RGS8: variants seen among roughly 807,000 people sequenced by gnomAD.
RGS8 encodes regulator of G protein signaling 8, also known as regulator of G-protein signaling 8.
A neutral mutation model predicts 21.7 loss-of-function variants in RGS8; 8 were observed. That is an observed-to-expected ratio of 0.37 (90% CI 0.22 to 0.66). The LOEUF is 0.66. Among genes scored for constraint, RGS8 ranks in the 30% least tolerant of loss-of-function variants. The pLI is 0.59. For missense variants in RGS8, 157 were observed against 217.9 expected, an observed-to-expected ratio of 0.72 and a Z score of 1.76; for synonymous variants, 80 against 83.6, an observed-to-expected ratio of 0.96 and a Z score of 0.24.
At chr1:182,694,006 A>G in the RGS8 span, among the ~76,000 whole-genome samples, 3 of 152,202 alleles carry the variant, frequency 2.0e-5, no homozygotes, top group Admixed American at 1.3e-4. Flanking sequence ...GATAGTATCC[A>G]GTACCCTACT....
the RGS8 span, among the ~76,000 whole-genome samples, chr1:182,726,946 G>A: frequency 1.3e-5 from 2 of 152,070 alleles, no homozygotes; most frequent in Non-Finnish European, 1.5e-5. Flanking sequence ...GGCTGCAGCA[G>A]GCTTCTTCAC....
chr1:182,705,583 T>C, the RGS8 span, among the ~76,000 whole-genome samples: 1 of 135,586 alleles, frequency 7.4e-6, no homozygotes, highest in African/African-American at 2.9e-5. Flanking sequence ...TGTGGGTGAG[T>C]ATGAAGGAGA....
At chr1:182,690,002 A>T in the RGS8 span, among the ~76,000 whole-genome samples, 4 of 152,128 alleles carry the variant, frequency 2.6e-5, no homozygotes, top group African/African-American at 9.7e-5. Flanking sequence ...TTCCATTTCC[A>T]TAGGCAGAAT....
intron 5 of RGS8, among the ~76,000 whole-genome samples, chr1:182,648,794 C>T (rs982654376): frequency 2.0e-5 from 3 of 151,850 alleles, no homozygotes; most frequent in Admixed American, 6.6e-5. Flanking sequence ...AGAGGCAAGC[C>T]ATGCTTCATA....
the RGS8 span, among the ~76,000 whole-genome samples, chr1:182,700,390 T>C: frequency 6.6e-6 from 1 of 152,198 alleles, no homozygotes; most frequent in Non-Finnish European, 1.5e-5. Context: ...ACTTTGTCCC[T>C]GTATATTTCA....
the RGS8 span, among the ~76,000 whole-genome samples, chr1:182,723,880 A>G: frequency 6.6e-6 from 1 of 152,184 alleles, no homozygotes; most frequent in Admixed American, 6.5e-5. Context: ...TAAATAAGTT[A>G]ACAGAGTTTA....
At chr1:182,739,405 C>T in the RGS8 span, among the ~76,000 whole-genome samples, 1 of 152,144 alleles carries the variant, frequency 6.6e-6, no homozygotes, top group South Asian at 2.1e-4. Context: ...GGGGCCCCGA[C>T]CTTGAGTACT....
At chr1:182,669,778 A>AG (rs1481109510) in intron 2 of RGS8, 26 bp from the exon 4 acceptor site, 22 of 1,549,916 alleles carry the variant, frequency 1.4e-5, no homozygotes, top group Non-Finnish European at 1.9e-5. Context: ...CTGCTGTAAG[A>AG]GGGGCCACCC....
chr1:182,711,960 G>A, the RGS8 span, among the ~76,000 whole-genome samples: 697 of 152,310 alleles, frequency 4.6e-3, 6 homozygotes, highest in African/African-American at 0.015. Flanking sequence ...TCCTGTTTCA[G>A]AGTATGAATG....
chr1:182,684,026 A>T lies in RGS8; in HGVS notation n.221+330T>A, dbSNP rs1293279799. Among the ~76,000 whole-genome samples the T allele has an allele frequency of 1.3e-5, 2 of 152,240 alleles. No individual in the cohort carries two copies. The highest frequency in any genetic ancestry group is 2.9e-5 in the Non-Finnish European group (2 of 68,044). ...CAGAGCCCCCTAAGGGAGCTGAGGG[A>T]AGAAACAGGATCACCTTTGAGGAGA... On this transcript the variant is annotated intron_variant and non_coding_transcript_variant, in intron 1 of 4. Coordinates refer to the RGS8 transcript ENST00000515211. This position sits in a 1 kb window ranked among gnomAD's most constrained non-coding sequence, Gnocchi z 4.2.
At chr1:182,648,659 C>A (rs905389835) in intron 5 of RGS8, among the ~76,000 whole-genome samples, 1 of 151,950 alleles carries the variant, frequency 6.6e-6, no homozygotes, top group Non-Finnish European at 1.5e-5. Flanking sequence ...CGCTTGAACC[C>A]GGGAGGCAGA....
At chr1:182,667,122 A>G in intron 3 of RGS8, 149 bp from the exon 5 acceptor site, 1 of 645,330 alleles carries the variant, frequency 1.5e-6, no homozygotes, top group Non-Finnish European at 2.8e-6. Context: ...GAACAGGAAG[A>G]GACCACCTAG....
At chr1:182,724,805 G>C in the RGS8 span, among the ~76,000 whole-genome samples, 1 of 152,120 alleles carries the variant, frequency 6.6e-6, no homozygotes, top group Non-Finnish European at 1.5e-5. Flanking sequence ...TGATCAACCC[G>C]CCTCGGCCTC....
intron 3 of RGS8, 92 bp from the exon 5 acceptor site, chr1:182,667,065 G>A: frequency 2.0e-6 from 2 of 986,408 alleles, no homozygotes; most frequent in Non-Finnish European, 1.6e-6. Context: ...TGCTACGGGA[G>A]CCAGCACTGC....
chr1:182,741,160 C>A, the RGS8 span, among the ~76,000 whole-genome samples: 1 of 149,028 alleles, frequency 6.7e-6, no homozygotes, highest in Non-Finnish European at 1.5e-5. Context: ...ACCTCCCGGA[C>A]GGGGCGGCTG....
the RGS8 span, among the ~76,000 whole-genome samples, chr1:182,730,183 T>C: frequency 2.6e-5 from 4 of 152,278 alleles, no homozygotes; most frequent in South Asian, 4.1e-4. Context: ...CAACCCTGAC[T>C]CCACCAAGGA....
the RGS8 span, among the ~76,000 whole-genome samples, chr1:182,748,359 G>T: frequency 2.6e-5 from 4 of 152,332 alleles, no homozygotes; most frequent in African/African-American, 9.6e-5. Flanking sequence ...GTGAGATCAT[G>T]CAGTATTTGT....
the RGS8 span, among the ~76,000 whole-genome samples, chr1:182,732,219 G>A: frequency 2.7e-5 from 4 of 150,928 alleles, no homozygotes; most frequent in Non-Finnish European, 5.9e-5. Flanking sequence ...CAGAACAAGC[G>A]CTCTCTCTCT....
chr1:182,706,185 A>G, the RGS8 span, among the ~76,000 whole-genome samples: 7 of 151,832 alleles, frequency 4.6e-5, no homozygotes, highest in Non-Finnish European at 8.8e-5. Flanking sequence ...GGTTTTCACC[A>G]TGTTGCCTGG....
Sources: allele counts gnomAD v4.1 joint callset (sites outside exome capture counted in the v4.1 genomes callset), GRCh38; gene constraint gnomAD v4.1.1; non-coding constraint Gnocchi (gnomAD v3.1); transcripts MANE v1.5; gene names NCBI Gene and HGNC (gene_info 2026-07-23, HGNC 2026-07-21).